Variants in SLC5A4 observed in about 807,000 individuals in gnomAD.
The protein encoded by SLC5A4 is probable glucose sensor protein SLC5A4.
SLC5A4 carries 55 observed loss-of-function variants against 70.3 expected under a neutral mutation model. The ratio of observed to expected loss-of-function variants is 0.78; its 90% confidence interval spans 0.63 to 0.98. The LOEUF is 0.98. Among genes scored for constraint, SLC5A4 ranks in the 50% least tolerant of loss-of-function variants. The pLI is 0.00. For synonymous variants in SLC5A4, 268 were observed against 305.7 expected (o/e 0.88, Z 1.29); for missense variants, 735 against 839.2 (o/e 0.88, Z 1.53).
the SLC5A4 span, among the ~76,000 whole-genome samples, chr22:32,274,508 T>G: frequency 2.0e-5 from 3 of 151,890 alleles, no homozygotes; most frequent in Non-Finnish European, 2.9e-5. Flanking sequence ...TACTGAGAAG[T>G]GAACAAAAGA....
the SLC5A4 span, among the ~76,000 whole-genome samples, chr22:32,332,598 C>T: frequency 2.6e-5 from 4 of 152,196 alleles, no homozygotes; most frequent in African/African-American, 9.7e-5. Context: ...GAGACAGGGC[C>T]GGAGGCTGCC....
At chr22:32,272,983 G>T in the SLC5A4 span, 6 of 540,928 alleles carry the variant, frequency 1.1e-5, no homozygotes, top group Admixed American at 1.3e-4. Context: ...AGCTGCACGG[G>T]GAGCTGCTCA....
chr22:32,331,371 G>A, the SLC5A4 span, among the ~76,000 whole-genome samples: 1 of 152,054 alleles, frequency 6.6e-6, no homozygotes, highest in East Asian at 1.9e-4. Flanking sequence ...TGGCGAGATG[G>A]CGGCACGGGG....
At chr22:32,338,220 C>T in the SLC5A4 span, among the ~76,000 whole-genome samples, 17 of 152,230 alleles carry the variant, frequency 1.1e-4, 1 homozygote, top group South Asian at 1.9e-3. Flanking sequence ...GGAACTGAAA[C>T]GTGGGGGATA....
the SLC5A4 span, among the ~76,000 whole-genome samples, chr22:32,344,534 G>A: frequency 6.6e-6 from 1 of 152,038 alleles, no homozygotes; most frequent in Non-Finnish European, 1.5e-5. Context: ...AGACATAAAT[G>A]CTTTCAATAT....
At chr22:32,343,223 C>G in the SLC5A4 span, 1 of 152,184 alleles carries the variant, frequency 6.6e-6, no homozygotes, top group Non-Finnish European at 1.5e-5. Flanking sequence ...AACCATCTTC[C>G]AGTTTAGAAT....
the SLC5A4 span, among the ~76,000 whole-genome samples, chr22:32,306,541 C>CACTCCAGTATTATTAG: frequency 3.3e-5 from 5 of 150,890 alleles, no homozygotes; most frequent in Admixed American, 6.6e-5. Context: ...ATTATTGTTA[C>CACTCCAGTATTATTAG]ACTCCAGTAT....
At chr22:32,352,944 C>A in the SLC5A4 span, among the ~76,000 whole-genome samples, 4 of 152,226 alleles carry the variant, frequency 2.6e-5, no homozygotes, top group African/African-American at 9.6e-5. Context: ...GGTGGTGCCA[C>A]AAGCTCCAGC....
the SLC5A4 span, among the ~76,000 whole-genome samples, chr22:32,341,633 C>CT: frequency 6.6e-6 from 1 of 152,200 alleles, no homozygotes; most frequent in African/African-American, 2.4e-5. Context: ...GGAGAGCATC[C>CT]TTCAAAACCT....
the SLC5A4 span, chr22:32,272,415 G>T: frequency 1.1e-6 from 1 of 899,306 alleles, no homozygotes; most frequent in Non-Finnish European, 1.8e-6. Context: ...TGGCCTTCAT[G>T]GTCGACAGGC....
At chr22:32,308,883 A>G in the SLC5A4 span, among the ~76,000 whole-genome samples, 3 of 152,174 alleles carry the variant, frequency 2.0e-5, no homozygotes, top group East Asian at 5.8e-4. Flanking sequence ...CTTGTTTTCA[A>G]TTGAGGCCTG....
the SLC5A4 span, chr22:32,284,635 G>A: frequency 6.6e-6 from 1 of 152,234 alleles, no homozygotes; most frequent in African/African-American, 2.4e-5. Context: ...GCAAAGGCTG[G>A]AGCTGCGTCA....
At chr22:32,269,730 G>A in the SLC5A4 span, 55 of 629,158 alleles carry the variant, frequency 8.7e-5, no homozygotes, top group Admixed American at 4.1e-4. The surrounding 1 kb of genome is among the most constrained non-coding windows in gnomAD (Gnocchi z 4.1). Flanking sequence ...CACAGGCACC[G>A]CAGCTTTCCC....
the SLC5A4 span, among the ~76,000 whole-genome samples, chr22:32,292,746 ATTGG>A: frequency 6.6e-6 from 1 of 152,168 alleles, no homozygotes; most frequent in Non-Finnish European, 1.5e-5. Flanking sequence ...GAAAATGTGT[ATTGG>A]TATGTGTTGA....
the SLC5A4 span, among the ~76,000 whole-genome samples, chr22:32,290,981 T>C: frequency 2.0e-5 from 3 of 152,208 alleles, no homozygotes; most frequent in Non-Finnish European, 4.4e-5. Flanking sequence ...CTCTTTTTTA[T>C]GCTTGCTGGA....
At chr22:32,341,182 C>T in the SLC5A4 span, among the ~76,000 whole-genome samples, 1 of 151,990 alleles carries the variant, frequency 6.6e-6, no homozygotes, top group South Asian at 2.1e-4. Flanking sequence ...GGGAGAGAGA[C>T]CAGGGGAGAA....
upstream of SLC5A4, among the ~76,000 whole-genome samples, chr22:32,258,040 TG>T (rs1185755571): frequency 6.6e-6 from 1 of 151,568 alleles, no homozygotes; most frequent in Admixed American, 6.6e-5. Flanking sequence ...GGCTGGAGGG[TG>T]GTGGTACAAT....
At chr22:32,347,003 T>C in the SLC5A4 span, among the ~76,000 whole-genome samples, 2 of 151,974 alleles carry the variant, frequency 1.3e-5, no homozygotes, top group Non-Finnish European at 2.9e-5. Flanking sequence ...CAACCACATT[T>C]ACAAGAAAAA....
At chr22:32,253,402 G>A (rs2145706213) in intron 2 of SLC5A4, among the ~76,000 whole-genome samples, 1 of 152,314 alleles carries the variant, frequency 6.6e-6, no homozygotes, top group African/African-American at 2.4e-5. Context: ...GGGACATAGG[G>A]ACCCATGGAG....
Sources: allele counts gnomAD v4.1 joint callset (sites outside exome capture counted in the v4.1 genomes callset), GRCh38; gene constraint gnomAD v4.1.1; non-coding constraint Gnocchi (gnomAD v3.1); transcripts MANE v1.5; gene names NCBI Gene and HGNC (gene_info 2026-07-23, HGNC 2026-07-21).